The following TBCB variants were observed in gnomAD, a reference collection of about 807,000 sequenced individuals.
The protein encoded by TBCB is tubulin folding cofactor B.
Under a neutral mutation model 29.2 loss-of-function variants are expected in TBCB, and 18 were observed. The ratio of observed to expected loss-of-function variants is 0.62; its 90% CI spans 0.43 to 0.91. TBCB has a LOEUF of 0.91. Among genes scored for constraint, TBCB ranks in the 40% least tolerant of loss-of-function variants. The probability of loss-of-function intolerance (pLI) is 0.00; values close to 1 mark genes in which losing one functional copy is unlikely to be tolerated. For missense variants in TBCB, 336 were observed against 337.6 expected (o/e 1.00, Z 0.04); for synonymous variants, 172 against 137.8 (o/e 1.25, Z -1.74).
In TBCB at chr19:36,120,743, T is replaced by C; in HGVS notation, c.292T>C (p.Tyr98His). 1 of 1,613,722 alleles carries C rather than the reference T, an allele frequency of 6.2e-7. No individual in the cohort carries two copies. Among genetic ancestry groups the C allele is most frequent in the Non-Finnish European group, 8.5e-7 (1 of 1,179,974 alleles). ...CCACAGTGGCGCCCGCCTTGGTGAGTATGAGGACGTGTCCCGGGTGGAGAA... is the reference window on the plus strand; with the variant it reads ...CCACAGTGGCGCCCGCCTTGGTGAGCATGAGGACGTGTCCCGGGTGGAGAA... ...IDHSGARLGE[Y>H]EDVSRVEKYT... Residue 98 changes from tyrosine (Y) to histidine (H), a missense_variant, in exon 3 of 6, where the codon TAT becomes CAT. Transcript: ENST00000221855.
chr19:36,119,704 C>T (rs145279646), intron 2 of TBCB, among the ~76,000 whole-genome samples: 2 of 152,232 alleles, frequency 1.3e-5, no homozygotes, highest in East Asian at 3.9e-4. Context: ...CCAGCCTGAC[C>T]AGCATGGCAA....
chr19:36,116,200 C>CA lies in TBCB; in HGVS notation c.258+16_258+17insA, dbSNP rs1473738874. On this transcript the variant is annotated intron_variant, in intron 2 of 5. Transcript: ENST00000221855. The stretch of plus-strand genomic sequence containing the variant: ...CCGCATCCACGTGAGGACTCTCTAT[C>CA]TGGGACACTCCCCCACCCCACCTTT... 1 of 1,611,832 alleles carries CA rather than the reference C, an allele frequency of 6.2e-7. No homozygotes were observed. Among genetic ancestry groups the CA allele is most frequent in the South Asian group, 1.1e-5 (1 of 90,980 alleles).
At chr19:36,123,555 A>G (rs1386704338) in intron 4 of TBCB, among the ~76,000 whole-genome samples, 1 of 151,666 alleles carries the variant, frequency 6.6e-6, no homozygotes, top group Non-Finnish European at 1.5e-5. Flanking sequence ...GTGAGCCACC[A>G]TGCTAGGCCT....
chr19:36,123,831 C>T (rs921401699), intron 4 of TBCB, among the ~76,000 whole-genome samples: 2 of 152,176 alleles, frequency 1.3e-5, no homozygotes, highest in African/African-American at 2.4e-5. Context: ...GCCAAGATCA[C>T]ACCACTGCAC....
chr19:36,115,788 A>G, intron 1 of TBCB, 114 bp downstream of exon 1: 1 of 1,154,416 alleles, frequency 8.7e-7, no homozygotes, highest in Non-Finnish European at 1.2e-6. Flanking sequence ...AGGTGATCCC[A>G]GGCTGCGGAG....
At chr19:36,119,257 A>C (rs2145907398) in intron 2 of TBCB, among the ~76,000 whole-genome samples, 1 of 152,358 alleles carries the variant, frequency 6.6e-6, no homozygotes, top group African/African-American at 2.4e-5. Flanking sequence ...AAAATTCTCA[A>C]CAGAAATTCT....
intron 4 of TBCB, 130 bp downstream of exon 4, chr19:36,121,848 C>G (rs755931712): frequency 1.7e-6 from 2 of 1,197,780 alleles, no homozygotes; most frequent in Admixed American, 2.3e-5. Flanking sequence ...TCGAAACGAT[C>G]TCAGTCCCTG....
At position 36,115,521 on chromosome 19, in the gene TBCB, C is replaced by T. The variant is rs749093161; in HGVS notation, c.-40C>T. On this transcript the variant is annotated 5_prime_UTR_variant, in exon 1 of 6. Coordinates refer to ENST00000221855, the MANE Select transcript of TBCB (RefSeq NM_001281.3). ...CGGCGGCTGCGGAGCGGGTGTGAGG[C>T]GGCTGGACCGCGCTGCAGGCATCCG... is the stretch of plus-strand genomic sequence containing the variant. The T allele has an allele frequency of 2.7e-6, 4 of 1,496,464 alleles. No homozygotes were observed. Among genetic ancestry groups the T allele is most frequent in the South Asian group, 2.4e-5 (2 of 83,094 alleles). 92.7% of individuals were successfully genotyped at this position (1,496,464 alleles called of 1,614,324 possible). A position where few individuals can be genotyped will look rare whatever the true frequency, so the allele number is the denominator to read the frequency against.
chr19:36,121,565 C>T lies in TBCB; in HGVS notation c.394C>T (p.Arg132Trp), dbSNP rs1244063736. The change falls in exon 4 of 6, where the codon CGG (arginine) becomes TGG (tryptophan). Residue 132 changes from arginine (R) to tryptophan (W), a missense_variant. Arg to Trp is a moderately radical substitution (Grantham distance 101). Coordinates refer to ENST00000221855, the MANE Select transcript of TBCB (RefSeq NM_001281.3). ...RSFLKRSKLG[R>W]YNEEERAQQE... Reference sequence around the variant, plus strand: ...TTTCCTGAAGCGCAGCAAGCTCGGCCGGTACAACGAGGAGGAGCGGGCTCA... The same window carrying T: ...TTTCCTGAAGCGCAGCAAGCTCGGCTGGTACAACGAGGAGGAGCGGGCTCA... 3.2e-6 allele frequency: 5 copies of T among 1,560,208 alleles called. No individual in the cohort carries two copies. The highest frequency in any genetic ancestry group is 1.4e-5 in the African/African-American group (1 of 73,612).
chr19:36,122,555 T>TGA (rs1974072795), intron 4 of TBCB, among the ~76,000 whole-genome samples: 1 of 124,824 alleles, frequency 8.0e-6, no homozygotes, highest in African/African-American at 3.2e-5. Flanking sequence ...GGCAACATAA[T>TGA]GAGACCCTGT....
intron 2 of TBCB, chr19:36,118,678 T>A (rs1973996042): frequency 7.2e-6 from 1 of 138,514 alleles, no homozygotes. Flanking sequence ...AGATCCTATC[T>A]TTAAAAAAAA....
In TBCB at chr19:36,116,193, T is replaced by C. The variant is rs1973951320; in HGVS notation, c.258+9T>C. The C allele has an allele frequency of 6.2e-7, 1 of 1,613,228 alleles. No individual in the cohort carries two copies. The highest frequency in any genetic ancestry group is 2.2e-5 in the East Asian group (1 of 44,854). On this transcript the variant is annotated intron_variant, in intron 2 of 5. Transcript: ENST00000221855. ...ACGGCTGCCGCATCCACGTGAGGAC[T>C]CTCTATCTGGGACACTCCCCCACCC...
intron 4 of TBCB, among the ~76,000 whole-genome samples, chr19:36,125,105 T>A (rs946457557): frequency 6.6e-6 from 1 of 152,198 alleles, no homozygotes; most frequent in Non-Finnish European, 1.5e-5. Context: ...GGCTAGAAGT[T>A]CAAGATCAAG....
At chr19:36,116,217 C>T in intron 2 of TBCB, 33 bp downstream of exon 2, 1 of 1,606,556 alleles carries the variant, frequency 6.2e-7, no homozygotes, top group Non-Finnish European at 8.5e-7. Context: ...ACTCCCCCAC[C>T]CCACCTTTCA....
rs768020512 is a variant in TBCB, at chr19:36,115,665, T to C, written c.105T>C (p.Ala35=). ...EKRYSRSLTI[A]EFKCKLELLV... ...GATACAGCCGCAGCCTCACCATCGC[T>C]GAGTTCAAGGTGTGGCCATGGGGGC... The change falls in exon 1 of 6, where the codon GCT becomes GCC. Residue 35 remains alanine (A), a synonymous_variant. Transcript: ENST00000221855. 1.3e-6 allele frequency: 2 copies of C among 1,577,654 alleles called. No homozygotes were observed. Among genetic ancestry groups the C allele is most frequent in the Non-Finnish European group, 8.6e-7 (1 of 1,167,108 alleles).
chr19:36,123,678 C>T (rs1042710784), intron 4 of TBCB, among the ~76,000 whole-genome samples: 1 of 152,098 alleles, frequency 6.6e-6, no homozygotes, highest in Non-Finnish European at 1.5e-5. Context: ...ATTTTGAGAC[C>T]AGCCTGGCCA....
Position 36,115,623 on chromosome 19 carries a change from C to T in TBCB, c.63C>T (p.Thr21=), listed in dbSNP as rs1973935412. Residue 21 remains threonine, a synonymous_variant, in exon 1 of 6, where the codon ACC becomes ACT. Transcript: ENST00000221855. The stretch of plus-strand genomic sequence containing the variant: ...TTTTCATCAGCAGCTCCCTCAACAC[C>T]TTCCGCTCCGAGAAGCGATACAGCC... ...VTVFISSSLN[T]FRSEKRYSRS... 8 of 1,609,080 alleles carry T rather than the reference C, an allele frequency of 5.0e-6. No homozygotes were observed. Among genetic ancestry groups the T allele is most frequent in the Non-Finnish European group, 6.8e-6 (8 of 1,178,258 alleles).
At chr19:36,120,437 T>C (rs1974025818) in intron 2 of TBCB, 1 of 461,464 alleles carries the variant, frequency 2.2e-6, no homozygotes, top group Non-Finnish European at 4.0e-6. Context: ...CTCTGTGACT[T>C]TGGGGCCCTT....
intron 4 of TBCB, among the ~76,000 whole-genome samples, chr19:36,124,823 G>C (rs545984688): frequency 2.0e-5 from 3 of 152,126 alleles, no homozygotes; most frequent in African/African-American, 7.2e-5. Context: ...GATTACAGGC[G>C]TGAGCCACCG....
Sources: allele counts gnomAD v4.1 joint callset (sites outside exome capture counted in the v4.1 genomes callset), GRCh38; gene constraint gnomAD v4.1.1; transcripts MANE v1.5; gene names NCBI Gene and HGNC (gene_info 2026-07-23, HGNC 2026-07-21).